The following SLC15A1 variants were observed in gnomAD, a reference collection of about 807,000 sequenced individuals.
The protein encoded by SLC15A1 is solute carrier family 15 member 1, also known as Caco-2 oligopeptide transporter.
SLC15A1 carries 83 observed loss-of-function variants against 92.9 expected under a neutral mutation model. The observed-to-expected ratio is 0.89, with a 90% CI of 0.75 to 1.07. The LOEUF is 1.07. Among genes scored for constraint, SLC15A1 ranks in the 50% least tolerant of loss-of-function variants. The pLI is 0.00. For synonymous variants in SLC15A1, 322 were observed against 318.2 expected, an observed-to-expected ratio of 1.01 and a Z score of -0.13; for missense variants, 857 against 880.1, an observed-to-expected ratio of 0.97 and a Z score of 0.33.
chr13:98,699,559 A>C (rs905502916), intron 18 of SLC15A1, among the ~76,000 whole-genome samples: 2 of 152,174 alleles, frequency 1.3e-5, no homozygotes, highest in African/African-American at 4.8e-5. Context: ...AGTGATTATA[A>C]CCAGAGCTTC....
chr13:98,717,117 C>T (rs1368206709), intron 8 of SLC15A1, among the ~76,000 whole-genome samples: 2 of 152,164 alleles, frequency 1.3e-5, no homozygotes, highest in Non-Finnish European at 2.9e-5. Context: ...TCCAATACCA[C>T]AGTTCAATAA....
chr13:98,729,754 C>T (rs945244290), intron 1 of SLC15A1, among the ~76,000 whole-genome samples: 1 of 152,220 alleles, frequency 6.6e-6, no homozygotes, highest in Non-Finnish European at 1.5e-5. Context: ...ACAACCCTGG[C>T]AGAGGAACTC....
intron 18 of SLC15A1, among the ~76,000 whole-genome samples, chr13:98,691,192 C>T (rs1307188970): frequency 2.6e-5 from 4 of 152,090 alleles, no homozygotes; most frequent in Non-Finnish European, 4.4e-5. Flanking sequence ...TACAGGCCCC[C>T]GCCACCGCAC....
intron 14 of SLC15A1, among the ~76,000 whole-genome samples, 191 bp downstream of exon 14, chr13:98,709,381 C>T (rs1387389005): frequency 6.6e-6 from 1 of 152,216 alleles, no homozygotes; most frequent in Non-Finnish European, 1.5e-5. Context: ...CCTTTTCAGG[C>T]TGTCAATCAC....
intron 2 of SLC15A1, 63 bp downstream of exon 2, chr13:98,726,780 G>GGGTTCATTCCGGGGA: frequency 6.7e-7 from 1 of 1,495,142 alleles, no homozygotes; most frequent in Non-Finnish European, 9.3e-7. Context: ...GAACCCTTAG[G>GGGTTCATTCCGGGGA]GGTAAAACAG....
Position 98,711,539 on chromosome 13 carries a change from T to C in SLC15A1, c.900+315A>G, listed in dbSNP as rs560681057. Among the ~76,000 whole-genome samples the C allele has an allele frequency of 2.0e-5, 3 of 152,372 alleles. No homozygotes were observed. The East Asian group carries it at 5.8e-4, about 29-fold the overall frequency. ...CTGTATTGGTAGGAAAACAAACTCT[T>C]GACTCTCAGTTTTGATTGGAAGAGT... On this transcript the variant is annotated intron_variant, in intron 11 of 22. Transcript: ENST00000376503.
At chr13:98,697,903 G>A (rs1414002545) in intron 18 of SLC15A1, among the ~76,000 whole-genome samples, 3 of 152,326 alleles carry the variant, frequency 2.0e-5, no homozygotes, top group African/African-American at 7.2e-5. Context: ...GACAGAGCCA[G>A]TGCTCCTGTT....
chr13:98,697,460 CA>C (rs369573921), intron 18 of SLC15A1, among the ~76,000 whole-genome samples: 9 of 145,096 alleles, frequency 6.2e-5, no homozygotes, highest in South Asian at 2.2e-4. Flanking sequence ...AACGAAGGAA[CA>C]AAAAAAAAAT....
chr13:98,721,471 A>T (rs755548056), intron 7 of SLC15A1, 24 bp downstream of exon 7: 1 of 1,557,142 alleles, frequency 6.4e-7, no homozygotes, highest in Non-Finnish European at 8.9e-7. Context: ...AGACCAACAG[A>T]AGTTCCTTTC....
chr13:98,711,659 G>T (rs1282917963), intron 11 of SLC15A1, among the ~76,000 whole-genome samples, 195 bp downstream of exon 11: 1 of 115,518 alleles, frequency 8.7e-6, no homozygotes. Flanking sequence ...ACCTAGAATT[G>T]CTTTTGGTTT....
Position 98,684,574 on chromosome 13 carries a change from G to C in SLC15A1, c.*150C>G. 2 of 364,252 alleles carry C rather than the reference G, an allele frequency of 5.5e-6. No individual in the cohort carries two copies. The highest frequency in any genetic ancestry group is 4.9e-6 in the Non-Finnish European group (1 of 206,184). The allele number at this position is 364,252 out of a possible 1,614,324, so 22.6% of individuals were successfully genotyped here. ...AAAAAAAAAAAAAAAAAAAAGAAAAGAAAAAGAAAAAAGAAAATAGCATTC... is the reference window on the plus strand; with the variant it reads ...AAAAAAAAAAAAAAAAAAAAGAAAACAAAAAGAAAAAAGAAAATAGCATTC... On this transcript the variant is annotated 3_prime_UTR_variant, in exon 23 of 23. Transcript: ENST00000376503.
At chr13:98,729,988 T>C (rs1233038405) in intron 1 of SLC15A1, among the ~76,000 whole-genome samples, 5 of 152,098 alleles carry the variant, frequency 3.3e-5, no homozygotes, top group African/African-American at 9.6e-5. Context: ...GCAGATCACT[T>C]GAGGTCAGGA....
intron 1 of SLC15A1, among the ~76,000 whole-genome samples, chr13:98,734,885 C>T (rs1331379447): frequency 6.6e-6 from 1 of 152,164 alleles, no homozygotes; most frequent in East Asian, 1.9e-4. Flanking sequence ...CAGATGGATT[C>T]ACAGCCGAAT....
intron 21 of SLC15A1, among the ~76,000 whole-genome samples, chr13:98,686,953 T>C (rs973112298): frequency 1.1e-4 from 16 of 149,270 alleles, no homozygotes; most frequent in South Asian, 1.1e-3. Flanking sequence ...TTTCTTCTTT[T>C]TTTTTTTTTT....
chr13:98,742,466 C>T (rs1025127694), intron 1 of SLC15A1, among the ~76,000 whole-genome samples: 1 of 152,210 alleles, frequency 6.6e-6, no homozygotes, highest in Non-Finnish European at 1.5e-5. Context: ...AGCCTGGGGA[C>T]AGCTCCTGGT....
Position 98,721,566 on chromosome 13 carries a change from A to T in SLC15A1, c.485T>A (p.Phe162Tyr), listed in dbSNP as rs2088258280. The T allele has an allele frequency of 1.2e-6, 2 of 1,605,656 alleles. No homozygotes were observed. Among genetic ancestry groups the T allele is most frequent in the African/African-American group, 1.3e-5 (1 of 74,464 alleles). Residue 162 changes from phenylalanine (F) to tyrosine (Y), a missense_variant, in exon 7 of 23, where the codon TTT (phenylalanine) becomes TAT (tyrosine). Coordinates refer to ENST00000376503, the MANE Select transcript of SLC15A1 (RefSeq NM_005073.4). ...EEGQEKQRNR[F>Y]FSIFYLAINA... ...AATAGCCAAGTAAAAGATGGAAAAAAATCTGTTTCTTTGTTTCTCCTGCAA... is the reference window on the plus strand; with the variant it reads ...AATAGCCAAGTAAAAGATGGAAAAATATCTGTTTCTTTGTTTCTCCTGCAA...
At chr13:98,752,452 A>G in intron 1 of SLC15A1, 143 bp downstream of exon 1, 1 of 781,948 alleles carries the variant, frequency 1.3e-6, no homozygotes, top group South Asian at 5.6e-5. Context: ...GGCGCCCCGC[A>G]ACCTCCCGGC....
chr13:98,718,643 C>T (rs531693578), intron 8 of SLC15A1, among the ~76,000 whole-genome samples: 1 of 152,018 alleles, frequency 6.6e-6, no homozygotes, highest in African/African-American at 2.4e-5. Flanking sequence ...ATGGTGAAAC[C>T]CTGTTGCTAC....
chr13:98,700,686 A>G (rs1272323348), intron 18 of SLC15A1, among the ~76,000 whole-genome samples: 1 of 152,224 alleles, frequency 6.6e-6, no homozygotes, highest in South Asian at 2.1e-4. Context: ...TTGAGTTTTC[A>G]TATAAGATGT....
Sources: gnomAD v4.1 joint callset for allele counts (sites outside exome capture counted in the v4.1 genomes callset) on GRCh38, gnomAD v4.1.1 for gene constraint, MANE v1.5 for transcripts, NCBI Gene and HGNC (gene_info 2026-07-23, HGNC 2026-07-21) for gene names.